Variants in RFTN2 observed in about 807,000 individuals in gnomAD.
RFTN2 encodes raftlin-2.
Under a neutral mutation model 52.7 loss-of-function variants are expected in RFTN2, and 34 were observed. The ratio of observed to expected loss-of-function variants is 0.64; its 90% CI spans 0.49 to 0.86. RFTN2 has a LOEUF of 0.86. Ranked by LOEUF, RFTN2 falls within the 40% of genes least tolerant of loss-of-function variation. The pLI is 0.00. For missense variants in RFTN2, 536 were observed against 600.1 expected, an observed-to-expected ratio of 0.89 and a Z score of 1.12; for synonymous variants, 203 against 217.7, an observed-to-expected ratio of 0.93 and a Z score of 0.59.
intron 1 of RFTN2, among the ~76,000 whole-genome samples, chr2:197,669,372 C>A (rs762841591): frequency 1.4e-5 from 2 of 147,664 alleles, no homozygotes; most frequent in Non-Finnish European, 3.0e-5. Flanking sequence ...ACTTCCTATT[C>A]AGCCTTTTTT....
At chr2:197,626,589 AG>A (rs2088363913) in intron 5 of RFTN2, among the ~76,000 whole-genome samples, 1 of 146,126 alleles carries the variant, frequency 6.8e-6, no homozygotes, top group Non-Finnish European at 1.5e-5. Flanking sequence ...AAATAAATAA[AG>A]TTAAAATAAA....
At chr2:197,645,092 A>G (rs1255162562) in intron 2 of RFTN2, among the ~76,000 whole-genome samples, 2 of 152,108 alleles carry the variant, frequency 1.3e-5, no homozygotes, top group Admixed American at 6.6e-5. Flanking sequence ...CCTGGTCTTT[A>G]GGATGGTTTT....
chr2:197,590,691 T>G (rs998662834), intron 8 of RFTN2, among the ~76,000 whole-genome samples: 8 of 152,102 alleles, frequency 5.3e-5, no homozygotes, highest in African/African-American at 1.4e-4. Context: ...TTCCTTCTGG[T>G]GGGTTCGTGG....
chr2:197,623,980 G>A (rs934218298), intron 5 of RFTN2, among the ~76,000 whole-genome samples: 5 of 151,858 alleles, frequency 3.3e-5, no homozygotes, highest in Admixed American at 2.0e-4. Context: ...TGTGTTTTCA[G>A]TAGAGATAGG....
intron 2 of RFTN2, among the ~76,000 whole-genome samples, chr2:197,645,074 G>GT (rs753109688): frequency 2.5e-4 from 38 of 152,128 alleles, no homozygotes; most frequent in Non-Finnish European, 4.7e-4. Context: ...AGAAAATGCA[G>GT]TTTTTTCCCT....
At chr2:197,588,554 CTGT>C (rs2087638891) in intron 8 of RFTN2, among the ~76,000 whole-genome samples, 1 of 152,148 alleles carries the variant, frequency 6.6e-6, no homozygotes, top group African/African-American at 2.4e-5. Context: ...GGATGTACCA[CTGT>C]TGTTTATTCA....
intron 3 of RFTN2, among the ~76,000 whole-genome samples, chr2:197,639,645 AT>A (rs1285671741): frequency 7.6e-5 from 7 of 91,582 alleles, no homozygotes; most frequent in Admixed American, 2.5e-4. Context: ...ATTCTTCTAA[AT>A]TTTTTTCAAA....
intron 7 of RFTN2, among the ~76,000 whole-genome samples, chr2:197,614,049 T>C (rs1993358): frequency 1.5e-3 from 223 of 152,274 alleles, no homozygotes; most frequent in Admixed American, 9.0e-3. Context: ...ACAGAACCTA[T>C]AGACTAAGAC....
chr2:197,659,142 A>C (rs1199477128), intron 1 of RFTN2, among the ~76,000 whole-genome samples: 1 of 152,178 alleles, frequency 6.6e-6, no homozygotes, highest in African/African-American at 2.4e-5. Flanking sequence ...AAAATAGTCC[A>C]AGACATACAT....
At chr2:197,601,410 C>T (rs1214350739) in intron 7 of RFTN2, among the ~76,000 whole-genome samples, 1 of 152,156 alleles carries the variant, frequency 6.6e-6, no homozygotes, top group Non-Finnish European at 1.5e-5. Context: ...TTTCTGTGTA[C>T]ATTAACATGC....
intron 1 of RFTN2, 38 bp from the exon 2 acceptor site, chr2:197,646,704 T>A: frequency 1.4e-6 from 2 of 1,470,964 alleles, no homozygotes; most frequent in Non-Finnish European, 1.9e-6. Flanking sequence ...TGCATATTCT[T>A]AAGATTGAAT....
At chr2:197,601,417 A>G (rs1333357952) in intron 7 of RFTN2, among the ~76,000 whole-genome samples, 1 of 152,206 alleles carries the variant, frequency 6.6e-6, no homozygotes, top group Non-Finnish European at 1.5e-5. Flanking sequence ...GTACATTAAC[A>G]TGCTTGTTTC....
chr2:197,598,011 C>G (rs2087819730), intron 7 of RFTN2, among the ~76,000 whole-genome samples: 1 of 152,136 alleles, frequency 6.6e-6, no homozygotes, highest in African/African-American at 2.4e-5. Context: ...AGAATATCTT[C>G]CAGAGAGCAA....
chr2:197,645,347 C>G (rs2106250745), intron 2 of RFTN2, among the ~76,000 whole-genome samples: 1 of 152,262 alleles, frequency 6.6e-6, no homozygotes, highest in African/African-American at 2.4e-5. Flanking sequence ...GTATAGTAGG[C>G]TATACCATCT....
chr2:197,628,675 A>G (rs1016555044), intron 5 of RFTN2, among the ~76,000 whole-genome samples: 1 of 152,294 alleles, frequency 6.6e-6, no homozygotes, highest in Middle Eastern at 3.4e-3. Context: ...CTCTAAATAG[A>G]TGATCCACAC....
At chr2:197,640,643 C>G (rs2088656020) in intron 3 of RFTN2, among the ~76,000 whole-genome samples, 1 of 152,244 alleles carries the variant, frequency 6.6e-6, no homozygotes, top group African/African-American at 2.4e-5. Context: ...CTGGCACTCC[C>G]TAGTGAGATG....
At chr2:197,604,471 G>A (rs1189804956) in intron 7 of RFTN2, among the ~76,000 whole-genome samples, 2 of 152,192 alleles carry the variant, frequency 1.3e-5, no homozygotes, top group Admixed American at 1.3e-4. Flanking sequence ...GAATATATAT[G>A]ATATGATTCC....
chr2:197,579,207 G>A (rs1184811701), intron 8 of RFTN2, among the ~76,000 whole-genome samples: 1 of 152,160 alleles, frequency 6.6e-6, no homozygotes, highest in Non-Finnish European at 1.5e-5. Flanking sequence ...AGGGATGCCT[G>A]CCTTGATCCT....
At chr2:197,596,412 T>A (rs904426423) in intron 7 of RFTN2, among the ~76,000 whole-genome samples, 1 of 152,214 alleles carries the variant, frequency 6.6e-6, no homozygotes, top group African/African-American at 2.4e-5. Flanking sequence ...GTAATTTGCA[T>A]GTCTGTGATC....
Sources: gnomAD v4.1 joint callset for allele counts (sites outside exome capture counted in the v4.1 genomes callset) on GRCh38, gnomAD v4.1.1 for gene constraint, MANE v1.5 for transcripts, NCBI Gene and HGNC (gene_info 2026-07-23, HGNC 2026-07-21) for gene names.